The following FBXO34 variants were observed in gnomAD, a reference collection of about 807,000 sequenced individuals.
FBXO34 encodes the protein F-box only protein 34.
In FBXO34, 12 loss-of-function variants were observed where a neutral mutation model predicts 24.5. The observed-to-expected ratio is 0.49, with a 90% CI of 0.31 to 0.79. FBXO34 has a LOEUF of 0.79. FBXO34 is among the 30% of genes least tolerant of loss of function. FBXO34 has a pLI of 0.04. For missense variants in FBXO34, 823 were observed against 857.7 expected (o/e 0.96, Z 0.51); for synonymous variants, 320 against 311.9 (o/e 1.03, Z -0.27).
the FBXO34 span, among the ~76,000 whole-genome samples, chr14:55,378,960 A>G: frequency 3.3e-5 from 5 of 151,936 alleles, no homozygotes; most frequent in Non-Finnish European, 7.4e-5. Context: ...CTCCTGCCTC[A>G]GCTTCCCAAA....
downstream of FBXO34, among the ~76,000 whole-genome samples, chr14:55,373,149 T>C (rs140909694): frequency 6.6e-6 from 1 of 152,346 alleles, no homozygotes; most frequent in East Asian, 1.9e-4. Flanking sequence ...TTTTGCTTAA[T>C]GTCTTTGGGG....
At chr14:55,410,078 A>G in the FBXO34 span, among the ~76,000 whole-genome samples, 39 of 152,210 alleles carry the variant, frequency 2.6e-4, no homozygotes, top group African/African-American at 8.7e-4. Flanking sequence ...GGAGAACTGA[A>G]AGGTTTTTTA....
chr14:55,279,844 A>G (rs1189983783), intron 1 of FBXO34, among the ~76,000 whole-genome samples: 1 of 152,252 alleles, frequency 6.6e-6, no homozygotes, highest in Non-Finnish European at 1.5e-5. Context: ...GGATGGCAGG[A>G]TCTGGAAGAA....
At chr14:55,360,248 T>C (rs939934246) in intron 3 of FBXO34, among the ~76,000 whole-genome samples, 1 of 152,008 alleles carries the variant, frequency 6.6e-6, no homozygotes, top group Non-Finnish European at 1.5e-5. Context: ...AATTTTTGTA[T>C]TTTTAGTAGA....
the FBXO34 span, among the ~76,000 whole-genome samples, chr14:55,405,323 A>G: frequency 1.3e-5 from 2 of 152,192 alleles, no homozygotes; most frequent in Non-Finnish European, 2.9e-5. Context: ...AATAATATTT[A>G]AATTTCTTCC....
chr14:55,331,990 C>T (rs368166020), intron 1 of FBXO34, among the ~76,000 whole-genome samples: 1,296 of 109,510 alleles, frequency 0.012, 3 homozygotes, highest in African/African-American at 0.044. Context: ...TATATATATA[C>T]ACCACCGTGG....
chr14:55,440,591 T>G, the FBXO34 span: 5 of 1,536,634 alleles, frequency 3.3e-6, no homozygotes, highest in African/African-American at 1.4e-5. Context: ...CGGCCCAGGT[T>G]CCTGCAGAGG....
chr14:55,379,568 T>C, the FBXO34 span, among the ~76,000 whole-genome samples: 2 of 152,088 alleles, frequency 1.3e-5, no homozygotes, highest in Non-Finnish European at 2.9e-5. Context: ...AAGTAAACTT[T>C]TAATTTTTTA....
downstream of FBXO34, among the ~76,000 whole-genome samples, chr14:55,364,107 T>C (rs551303101): frequency 3.3e-3 from 508 of 151,756 alleles, no homozygotes; most frequent in Non-Finnish European, 5.3e-3. Context: ...TGTGCCACCA[T>C]GCCTGGCTAA....
At chr14:55,437,038 G>GACA in the FBXO34 span, 10 of 1,605,344 alleles carry the variant, frequency 6.2e-6, no homozygotes, top group Non-Finnish European at 7.7e-6. Flanking sequence ...TCCCAAAACA[G>GACA]ACAGACAAAA....
chr14:55,390,361 G>A, the FBXO34 span, among the ~76,000 whole-genome samples: 3 of 150,392 alleles, frequency 2.0e-5, no homozygotes, highest in Non-Finnish European at 3.0e-5. Context: ...ATAAGCCACC[G>A]TGCCTGGCCA....
rs1046513826 is a variant in FBXO34, at chr14:55,319,970, C to G, written c.-10-30411C>G. 2.6e-5 allele frequency among the ~76,000 whole-genome samples: 4 copies of G among 152,124 alleles called. No individual in the cohort carries two copies. In the South Asian group the frequency reaches 8.3e-4, roughly 32 times the overall value. On this transcript the variant is annotated intron_variant, in intron 1 of 1. Transcript: ENST00000313833. ...TACAGGCATGAGCCACCACACCTGG[C>G]CAATTTTTCCTGAACTTTCATAGGA... is the stretch of plus-strand genomic sequence containing the variant.
intron 1 of FBXO34, among the ~76,000 whole-genome samples, chr14:55,276,199 G>A (rs1411770067): frequency 6.6e-6 from 1 of 152,114 alleles, no homozygotes; most frequent in Non-Finnish European, 1.5e-5. Context: ...GATGAACTTG[G>A]GAAATACGCA....
chr14:55,374,426 C>T (rs1042049097), downstream of FBXO34, among the ~76,000 whole-genome samples: 7 of 152,322 alleles, frequency 4.6e-5, no homozygotes, highest in Admixed American at 3.3e-4. Flanking sequence ...TGAAAGATTT[C>T]AGTTGTCTAG....
At chr14:55,349,279 T>C (rs954800742) in intron 1 of FBXO34, among the ~76,000 whole-genome samples, 10 of 152,198 alleles carry the variant, frequency 6.6e-5, no homozygotes, top group Admixed American at 4.6e-4. Context: ...ATCACTGATA[T>C]GGCAGGGACT....
chr14:55,319,813 C>CTATG (rs1883066349), intron 1 of FBXO34, among the ~76,000 whole-genome samples: 1 of 152,116 alleles, frequency 6.6e-6, no homozygotes, highest in South Asian at 2.1e-4. Flanking sequence ...GTAGCTGGGA[C>CTATG]TATGGGTGCC....
At position 55,351,289 on chromosome 14, in the gene FBXO34, G is replaced by A; in HGVS notation, c.899G>A (p.Gly300Glu). The A allele has an allele frequency of 6.2e-7, 1 of 1,614,188 alleles. No homozygotes were observed. The highest frequency in any genetic ancestry group is 8.5e-7 in the Non-Finnish European group (1 of 1,180,046). Reference protein sequence around the residue: ...CLKRQGQREPGSLSRNNSFRR... With the variant: ...CLKRQGQREPESLSRNNSFRR... ...AAGCGGCAGGGCCAGCGTGAGCCTG[G>A]GAGCCTCTCAAGGAATAACAGCTTC... Residue 300 changes from glycine to glutamate, a missense_variant, in exon 2 of 2, where the codon GGG (glycine) becomes GAG (glutamate). Around this residue, in one of 2 missense-constraint regions of FBXO34, gnomAD observed 693 missense variants for 659.1 expected, o/e 1.05. Transcript: ENST00000313833.
At chr14:55,289,038 GAGACTCTGTCTCA>G (rs1446108945) in intron 1 of FBXO34, among the ~76,000 whole-genome samples, 2 of 152,006 alleles carry the variant, frequency 1.3e-5, no homozygotes, top group African/African-American at 4.8e-5. Flanking sequence ...GTGACAGAGC[GAGACTCTGTCTCA>G]AAAAAACAAA....
At chr14:55,412,846 G>C in the FBXO34 span, among the ~76,000 whole-genome samples, 1 of 152,082 alleles carries the variant, frequency 6.6e-6, no homozygotes, top group Non-Finnish European at 1.5e-5. Context: ...ACTGACTTCT[G>C]CCTCCCTACA....
Sources: gnomAD v4.1 joint callset for allele counts (sites outside exome capture counted in the v4.1 genomes callset) on GRCh38, gnomAD v4.1.1 for gene constraint, gnomAD v4.1.1 regional missense constraint, MANE v1.5 for transcripts, NCBI Gene and HGNC (gene_info 2026-07-23, HGNC 2026-07-21) for gene names.